USP48: variants seen among roughly 807,000 people sequenced by gnomAD.
USP48 encodes ubiquitin carboxyl-terminal hydrolase 48.
In USP48, 43 loss-of-function variants were observed where a neutral mutation model predicts 150.7. The ratio of observed to expected loss-of-function variants is 0.29; its 90% CI spans 0.22 to 0.37. The LOEUF is 0.37. Among genes scored for constraint, USP48 ranks in the 10% least tolerant of loss-of-function variants. The pLI, the probability that USP48 is intolerant of heterozygous loss-of-function variation, is 1.00. For missense variants in USP48, 813 were observed against 1,249.6 expected (o/e 0.65, Z 5.27); for synonymous variants, 396 against 425.9 (o/e 0.93, Z 0.86).
intron 23 of USP48, among the ~76,000 whole-genome samples, chr1:21,694,743 C>G (rs2097620697): frequency 6.6e-6 from 1 of 151,992 alleles, no homozygotes; most frequent in Non-Finnish European, 1.5e-5. Flanking sequence ...TGGTAACAGC[C>G]TCCAATACCT....
intron 15 of USP48, 105 bp downstream of exon 15, chr1:21,715,284 T>C (rs2097701234): frequency 2.6e-6 from 2 of 766,126 alleles, no homozygotes; most frequent in East Asian, 2.9e-5. Context: ...AAAAAAAATT[T>C]TTCCCAGGTA....
At chr1:21,688,288 G>A (rs547464150) in intron 24 of USP48, among the ~76,000 whole-genome samples, 75 of 151,954 alleles carry the variant, frequency 4.9e-4, no homozygotes, top group East Asian at 5.9e-4. Flanking sequence ...GCGCAATCTC[G>A]GCTCACTGCA....
chr1:21,751,681 A>C (rs1309979752), intron 5 of USP48, 66 bp from the exon 6 acceptor site: 28 of 1,187,676 alleles, frequency 2.4e-5, no homozygotes, highest in Non-Finnish European at 3.1e-5. Flanking sequence ...ATATTGTATT[A>C]CATCCTAGAA....
intron 15 of USP48, chr1:21,714,974 C>G (rs2097700370): frequency 6.3e-6 from 1 of 157,524 alleles, no homozygotes; most frequent in South Asian, 1.9e-4. Flanking sequence ...CCCAGCTACT[C>G]AGGAGGCCAA....
chr1:21,701,315 G>C (rs2097655819), intron 22 of USP48, among the ~76,000 whole-genome samples, 183 bp downstream of exon 22: 1 of 145,386 alleles, frequency 6.9e-6, no homozygotes, highest in African/African-American at 2.5e-5. Flanking sequence ...GTGGTGAGCT[G>C]AGATAGTGCC....
At chr1:21,771,566 T>C (rs1220245109) in intron 1 of USP48, among the ~76,000 whole-genome samples, 1 of 151,828 alleles carries the variant, frequency 6.6e-6, no homozygotes, top group African/African-American at 2.4e-5. Context: ...TACTATAAAA[T>C]AATTAGAATT....
chr1:21,684,646 A>G (rs1183568889), intron 25 of USP48, among the ~76,000 whole-genome samples: 2 of 150,270 alleles, frequency 1.3e-5, no homozygotes, highest in African/African-American at 4.9e-5. Context: ...CATTTCCCCC[A>G]TATTGAATTC....
At chr1:21,754,751 G>A (rs2097827113) in intron 3 of USP48, among the ~76,000 whole-genome samples, 1 of 152,160 alleles carries the variant, frequency 6.6e-6, no homozygotes, top group Non-Finnish European at 1.5e-5. Context: ...TGCCTCCAGT[G>A]AGGCATTTCC....
rs540054459 is a variant in USP48 at position 21,720,495 on chromosome 1, A to T, written c.1894+541T>A. Among the ~76,000 whole-genome samples the T allele has an allele frequency of 4.6e-5, 7 of 152,036 alleles. No homozygotes were observed. The South Asian group carries it at 1.5e-3, about 32-fold the overall frequency. ...CTTTAAAATTACATGGATGGGTATG[A>T]AACCAATTTTGCTCATTTTTTGGGT... On this transcript the variant is annotated intron_variant, in intron 14 of 26. Transcript: ENST00000308271.
chr1:21,748,618 G>C (rs2097801307), intron 6 of USP48, among the ~76,000 whole-genome samples: 1 of 152,194 alleles, frequency 6.6e-6, no homozygotes, highest in Non-Finnish European at 1.5e-5. Flanking sequence ...TTCATTTAAA[G>C]ACAGCAAAAA....
At chr1:21,733,081 A>G (rs1048204525) in intron 9 of USP48, among the ~76,000 whole-genome samples, 3 of 152,192 alleles carry the variant, frequency 2.0e-5, no homozygotes, top group Admixed American at 2.0e-4. Context: ...AATACCAGGA[A>G]CATGCACAGG....
intron 14 of USP48, among the ~76,000 whole-genome samples, chr1:21,717,871 G>A (rs992606526): frequency 6.6e-6 from 1 of 151,856 alleles, no homozygotes; most frequent in Admixed American, 6.6e-5. Context: ...AGGAGGTGGA[G>A]GTTGGAGTGA....
At chr1:21,749,801 C>T (rs1489555786) in intron 6 of USP48, among the ~76,000 whole-genome samples, 1 of 152,074 alleles carries the variant, frequency 6.6e-6, no homozygotes, top group African/African-American at 2.4e-5. Flanking sequence ...CGGTCTATCA[C>T]TATGTTGCCT....
intron 19 of USP48, among the ~76,000 whole-genome samples, chr1:21,704,992 T>G (rs1284068995): frequency 1.3e-5 from 2 of 149,218 alleles, no homozygotes; most frequent in African/African-American, 2.5e-5. Context: ...ACAGCGAGAG[T>G]GAGAGAGCAA....
At chr1:21,699,359 C>G (rs2097648034) in intron 22 of USP48, among the ~76,000 whole-genome samples, 1 of 150,648 alleles carries the variant, frequency 6.6e-6, no homozygotes, top group Admixed American at 6.6e-5. Context: ...CCACCACGCC[C>G]GGCTAATTTT....
intron 21 of USP48, among the ~76,000 whole-genome samples, chr1:21,703,001 G>C (rs760117024): frequency 2.0e-5 from 3 of 152,092 alleles, no homozygotes; most frequent in Non-Finnish European, 4.4e-5. Flanking sequence ...TTTGACCTTT[G>C]TTTCCTTTGT....
Position 21,782,908 on chromosome 1 carries a change from G to A in USP48, c.50C>T (p.Thr17Met). The change falls in exon 1 of 27, where the codon ACG becomes ATG. Residue 17 changes from threonine (T) to methionine (M), a missense_variant. Physicochemically the swap from Thr to Met is moderately conservative, Grantham distance 81. Transcript: ENST00000308271. ...CTGCGACACCTCCTCGGGCCGCACCGTCTCCGCCCAGCGCCAGGCCGCCTT... is the reference window on the plus strand; with the variant it reads ...CTGCGACACCTCCTCGGGCCGCACCATCTCCGCCCAGCGCCAGGCCGCCTT... ...LEKAAWRWAE[T>M]VRPEEVSQEH... 1 of 1,552,138 alleles carries A rather than the reference G, an allele frequency of 6.4e-7. No homozygotes were observed. Among genetic ancestry groups the A allele is most frequent in the Non-Finnish European group, 8.7e-7 (1 of 1,149,776 alleles).
chr1:21,753,664 TA>T (rs1474417406), intron 3 of USP48, among the ~76,000 whole-genome samples: 5 of 148,500 alleles, frequency 3.4e-5, no homozygotes, highest in Non-Finnish European at 6.0e-5. Context: ...CTGTCTCTAC[TA>T]AAAATACAAA....
At chr1:21,683,670 C>T (rs928679833) in intron 25 of USP48, among the ~76,000 whole-genome samples, 2 of 152,134 alleles carry the variant, frequency 1.3e-5, no homozygotes, top group Non-Finnish European at 2.9e-5. Flanking sequence ...GGGAACATTG[C>T]ATTATCTTTT....
Sources: allele counts gnomAD v4.1 joint callset (sites outside exome capture counted in the v4.1 genomes callset), GRCh38; gene constraint gnomAD v4.1.1; transcripts MANE v1.5; gene names NCBI Gene and HGNC (gene_info 2026-07-23, HGNC 2026-07-21).